Variants in WWC2 observed in about 807,000 individuals in gnomAD.
WWC2 encodes the protein protein WWC2.
In WWC2, 101 loss-of-function variants were observed where a neutral mutation model predicts 138.5. That is an observed-to-expected ratio of 0.73 (90% CI 0.62 to 0.86). WWC2 has a LOEUF of 0.86. Ranked by LOEUF, WWC2 falls within the 40% of genes least tolerant of loss-of-function variation. The pLI, the probability that WWC2 is intolerant of heterozygous loss-of-function variation, is 0.00. For synonymous variants in WWC2, 558 were observed against 538.4 expected (o/e 1.04, Z -0.50); for missense variants, 1,420 against 1,419.4 (o/e 1.00, Z -0.01).
chr4:183,297,501 G>C (rs1003132448), intron 21 of WWC2, among the ~76,000 whole-genome samples: 3 of 150,170 alleles, frequency 2.0e-5, no homozygotes, highest in African/African-American at 7.4e-5. Flanking sequence ...CCTCTACCTC[G>C]CGGGTTCAAG....
At chr4:183,298,447 T>C (rs1738712724) in intron 21 of WWC2, among the ~76,000 whole-genome samples, 1 of 152,128 alleles carries the variant, frequency 6.6e-6, no homozygotes, top group East Asian at 1.9e-4. Flanking sequence ...AGGGTCCAAG[T>C]GAAAAGAGAC....
At position 183,260,922 on chromosome 4, in the gene WWC2, C is replaced by T. The variant is rs75126308; in HGVS notation, c.1299C>T (p.Ser433=). Reference sequence around the variant, plus strand: ...TTTTGTCTTTCAGCCTCTCTGCCAGCACCCTGTCCATGTCATCTGGGAGCA... The same window carrying T: ...TTTTGTCTTTCAGCCTCTCTGCCAGTACCCTGTCCATGTCATCTGGGAGCA... ...LHSQLKSLSA[S]TLSMSSGSSL... The change falls in exon 11 of 23, where the codon AGC becomes AGT. Residue 433 remains serine, a synonymous_variant. Transcript: ENST00000403733. 3.1e-4 allele frequency: 493 copies of T among 1,613,590 alleles called. 4 individuals carry two copies. The East Asian group carries it at 9.2e-3, about 30-fold the overall frequency.
chr4:183,159,632 T>A (rs1208874751), intron 1 of WWC2, among the ~76,000 whole-genome samples: 1 of 151,954 alleles, frequency 6.6e-6, no homozygotes, highest in Non-Finnish European at 1.5e-5. Flanking sequence ...CTTGAACTCC[T>A]AGGCTCAGGT....
At chr4:183,181,690 G>A (rs1234360265) in intron 1 of WWC2, among the ~76,000 whole-genome samples, 1 of 152,150 alleles carries the variant, frequency 6.6e-6, no homozygotes, top group East Asian at 1.9e-4. Context: ...ACAGTAGGCA[G>A]TTAGTAATTA....
intron 1 of WWC2, among the ~76,000 whole-genome samples, chr4:183,101,651 T>G (rs540220155): frequency 6.6e-6 from 1 of 152,194 alleles, no homozygotes; most frequent in South Asian, 2.1e-4. Flanking sequence ...TCTTACTAAA[T>G]AGAGTAAGAG....
intron 1 of WWC2, among the ~76,000 whole-genome samples, chr4:183,128,545 C>G (rs1049590389): frequency 6.6e-6 from 1 of 152,128 alleles, no homozygotes; most frequent in Non-Finnish European, 1.5e-5. Context: ...TTTTGTGGCT[C>G]TTCCTATAAG....
chr4:183,122,336 A>T (rs1732629489), intron 1 of WWC2, among the ~76,000 whole-genome samples: 2 of 152,228 alleles, frequency 1.3e-5, no homozygotes, highest in Admixed American at 6.5e-5. Context: ...TTATGCCTAA[A>T]ATCAACAAGG....
Position 183,158,968 on chromosome 4 carries a change from G to T in WWC2, c.132-34631G>T, listed in dbSNP as rs1733881226. 2.0e-5 allele frequency among the ~76,000 whole-genome samples: 3 copies of T among 152,186 alleles called. No individual in the cohort carries two copies. The South Asian group carries it at 6.2e-4, about 31-fold the overall frequency. On this transcript the variant is annotated intron_variant, in intron 1 of 22. Coordinates refer to ENST00000403733, the MANE Select transcript of WWC2 (RefSeq NM_024949.6). ...CTGTGGTGAGCCAGGGTGGCTGGCAGATGCTCCAGGTGTGCTGTGTGCTTG... is the reference window on the plus strand; with the variant it reads ...CTGTGGTGAGCCAGGGTGGCTGGCATATGCTCCAGGTGTGCTGTGTGCTTG...
chr4:183,306,174 CAATT>C (rs201382624), intron 21 of WWC2, among the ~76,000 whole-genome samples: 1,650 of 152,106 alleles, frequency 0.011, 9 homozygotes, highest in Non-Finnish European at 0.015. Flanking sequence ...ATAAAGTCCT[CAATT>C]AAAGCCACAA....
In WWC2 at chr4:183,099,393, C is replaced by G. The variant is rs1214729837; in HGVS notation, c.-99C>G. ...GCGCCCCTCAGCCCCTCGCCGGCGC[C>G]CGCGTCGCGGGTTGGCAGCCTAGCC... On this transcript the variant is annotated 5_prime_UTR_variant, in exon 1 of 23. Transcript: ENST00000403733. 8.7e-7 allele frequency: 1 copy of G among 1,148,588 alleles called. No individual in the cohort carries two copies. Among genetic ancestry groups the G allele is most frequent in the African/African-American group, 1.6e-5 (1 of 61,084 alleles). 71.1% of individuals were successfully genotyped at this position (1,148,588 alleles called of 1,614,324 possible). A position where few individuals can be genotyped will look rare whatever the true frequency, so the allele number is the denominator to read the frequency against.
chr4:183,259,622 AT>A lies in WWC2; in HGVS notation c.1197-9del, dbSNP rs964867225. 4.4e-5 allele frequency: 66 copies of A among 1,483,378 alleles called. No individual in the cohort carries two copies. Among genetic ancestry groups the A allele is most frequent in the Middle Eastern group, 3.7e-4 (2 of 5,470 alleles). The allele number at this position is 1,483,378 out of a possible 1,614,324, so 91.9% of individuals were successfully genotyped here. On this transcript the variant is annotated splice_polypyrimidine_tract_variant and intron_variant, in intron 9 of 22. Transcript: ENST00000403733. ...ATTTTGTTATAATCATTTGAAAATA[AT>A]TTTTTTTCTTCCTAGATTGAGATTG...
At chr4:183,144,645 C>T (rs147812169) in intron 1 of WWC2, among the ~76,000 whole-genome samples, 104 of 151,986 alleles carry the variant, frequency 6.8e-4, no homozygotes, top group African/African-American at 2.5e-3. Context: ...ATTTTTGTAG[C>T]GAGAAAATAT....
At chr4:183,296,795 A>C (rs1347728542) in intron 21 of WWC2, among the ~76,000 whole-genome samples, 2 of 151,878 alleles carry the variant, frequency 1.3e-5, no homozygotes, top group East Asian at 1.9e-4. Flanking sequence ...TTAGCGAGGC[A>C]TGGTGGCAGG....
intron 14 of WWC2, among the ~76,000 whole-genome samples, chr4:183,266,681 G>A (rs1432064221): frequency 1.3e-5 from 2 of 152,152 alleles, no homozygotes; most frequent in Non-Finnish European, 2.9e-5. Context: ...CGTAGAATCC[G>A]GAATATGCAT....
At chr4:183,246,334 C>G (rs1736779529) in intron 6 of WWC2, among the ~76,000 whole-genome samples, 1 of 152,018 alleles carries the variant, frequency 6.6e-6, no homozygotes, top group South Asian at 2.1e-4. Context: ...ATAATTTAGT[C>G]CGCATCTATG....
At chr4:183,211,746 C>T (rs1353232021) in intron 4 of WWC2, among the ~76,000 whole-genome samples, 2 of 152,142 alleles carry the variant, frequency 1.3e-5, no homozygotes, top group Admixed American at 6.5e-5. Context: ...CTTTCACTTT[C>T]TCTGTTGTGT....
At chr4:183,130,130 G>A (rs1732877895) in intron 1 of WWC2, among the ~76,000 whole-genome samples, 2 of 149,736 alleles carry the variant, frequency 1.3e-5, no homozygotes, top group East Asian at 2.0e-4. Flanking sequence ...TTGGCTCACT[G>A]CAAGCTCTGC....
chr4:183,252,134 TCTA>T (rs1367007454), intron 8 of WWC2, among the ~76,000 whole-genome samples: 2 of 152,250 alleles, frequency 1.3e-5, no homozygotes, highest in African/African-American at 4.8e-5. Context: ...AAGGTATAGA[TCTA>T]CTTCCATCTT....
chr4:183,248,935 G>T, intron 7 of WWC2, 75 bp downstream of exon 7: 1 of 1,349,338 alleles, frequency 7.4e-7, no homozygotes, highest in Non-Finnish European at 9.9e-7. Flanking sequence ...ATGGTGAACT[G>T]GAACCAGAAG....
Sources: gnomAD v4.1 joint callset for allele counts (sites outside exome capture counted in the v4.1 genomes callset) on GRCh38, gnomAD v4.1.1 for gene constraint, MANE v1.5 for transcripts, NCBI Gene and HGNC (gene_info 2026-07-23, HGNC 2026-07-21) for gene names.